Variants in LUZP2 observed in about 807,000 individuals in gnomAD.
LUZP2 encodes leucine zipper protein 2.
A neutral mutation model predicts 51.6 loss-of-function variants in LUZP2; 52 were observed. That is an observed-to-expected ratio of 1.01 (90% confidence interval 0.81 to 1.27). The LOEUF is 1.27. Among genes scored for constraint, LUZP2 ranks in the 50% most tolerant of loss-of-function variants. LUZP2 has a pLI of 0.00. For missense variants in LUZP2, 436 were observed against 395.4 expected, an observed-to-expected ratio of 1.10 and a Z score of -0.87; for synonymous variants, 154 against 137.3, an observed-to-expected ratio of 1.12 and a Z score of -0.85.
chr11:24,751,541 G>T, intron 4 of LUZP2: 1 of 967,588 alleles, frequency 1.0e-6, no homozygotes, highest in South Asian at 4.8e-5. Flanking sequence ...GAAGTAATGG[G>T]AGTGAGGAAG....
intron 1 of LUZP2, among the ~76,000 whole-genome samples, chr11:24,700,256 G>T (rs920811314): frequency 1.3e-5 from 2 of 151,810 alleles, no homozygotes; most frequent in Non-Finnish European, 2.9e-5. Flanking sequence ...TAGAGACAGG[G>T]TTTCACCATG....
chr11:24,908,928 A>T (rs1378569701), intron 6 of LUZP2, among the ~76,000 whole-genome samples: 1 of 151,138 alleles, frequency 6.6e-6, no homozygotes, highest in Non-Finnish European at 1.5e-5. Flanking sequence ...CACCCAGCTA[A>T]TTTTTTGTAT....
intron 10 of LUZP2, among the ~76,000 whole-genome samples, chr11:25,071,442 C>T (rs535997908): frequency 1.9e-3 from 284 of 151,654 alleles, no homozygotes; most frequent in African/African-American, 6.3e-3. Flanking sequence ...CTTTGTTGAT[C>T]GAGTTTAAAT....
intron 1 of LUZP2, among the ~76,000 whole-genome samples, chr11:24,569,940 C>T (rs752922398): frequency 6.6e-6 from 1 of 151,900 alleles, no homozygotes; most frequent in Non-Finnish European, 1.5e-5. Flanking sequence ...TGCTATTGTA[C>T]ACAAATTTTC....
intron 7 of LUZP2, among the ~76,000 whole-genome samples, chr11:24,957,075 T>C (rs1387040675): frequency 6.6e-6 from 1 of 152,152 alleles, no homozygotes; most frequent in Non-Finnish European, 1.5e-5. Flanking sequence ...GTTGTTTTAT[T>C]TGTAGGTATA....
At chr11:24,821,589 A>G (rs1267246805) in intron 5 of LUZP2, among the ~76,000 whole-genome samples, 2 of 152,160 alleles carry the variant, frequency 1.3e-5, no homozygotes, top group African/African-American at 4.8e-5. Context: ...GTTAGTAAAC[A>G]TAACTGAGTA....
At chr11:24,498,243 G>A (rs1311963904) in intron 1 of LUZP2, among the ~76,000 whole-genome samples, 2 of 152,176 alleles carry the variant, frequency 1.3e-5, no homozygotes, top group African/African-American at 2.4e-5. Flanking sequence ...AACCCACACA[G>A]GATGAAGATC....
chr11:24,695,822 A>G (rs1857229243), intron 1 of LUZP2, among the ~76,000 whole-genome samples: 1 of 152,036 alleles, frequency 6.6e-6, no homozygotes, highest in South Asian at 2.1e-4. Context: ...GGTTCAGAGG[A>G]GAGCCAAATT....
intron 3 of LUZP2, among the ~76,000 whole-genome samples, chr11:24,737,021 A>G (rs184523468): frequency 1.2e-4 from 19 of 152,168 alleles, no homozygotes; most frequent in African/African-American, 4.6e-4. Context: ...TCTCAAGGCT[A>G]ATTAAGCTGG....
At chr11:24,749,381 G>A (rs1859495664) in intron 4 of LUZP2, among the ~76,000 whole-genome samples, 1 of 152,186 alleles carries the variant, frequency 6.6e-6, no homozygotes. Flanking sequence ...ACGCCCCTGT[G>A]ATGGCTAATA....
intron 1 of LUZP2, among the ~76,000 whole-genome samples, chr11:24,629,546 T>TA (rs1277393376): frequency 6.6e-5 from 3 of 45,666 alleles, no homozygotes; most frequent in Non-Finnish European, 8.3e-5. Flanking sequence ...ATATATTCCA[T>TA]TGCATATATA....
At chr11:24,716,967 CATT>C (rs909209523) in intron 1 of LUZP2, among the ~76,000 whole-genome samples, 91 of 151,954 alleles carry the variant, frequency 6.0e-4, no homozygotes, top group African/African-American at 1.1e-3. Flanking sequence ...TTCAAAAACT[CATT>C]AATCTATAAA....
At chr11:24,582,233 G>T (rs914457854) in intron 1 of LUZP2, among the ~76,000 whole-genome samples, 1 of 150,626 alleles carries the variant, frequency 6.6e-6, no homozygotes, top group African/African-American at 2.4e-5. Flanking sequence ...TCTTTTCCAG[G>T]TGTGTCTGAG....
At chr11:24,893,432 A>T (rs1210756607) in intron 5 of LUZP2, 2 of 152,130 alleles carry the variant, frequency 1.3e-5, no homozygotes, top group Non-Finnish European at 2.9e-5. Context: ...GCACACATAC[A>T]CACATACATT....
chr11:24,765,365 A>G (rs1860142782), intron 5 of LUZP2, among the ~76,000 whole-genome samples: 2 of 152,196 alleles, frequency 1.3e-5, no homozygotes, highest in Admixed American at 1.3e-4. Flanking sequence ...GAAGTTTGAA[A>G]TCCACTAAGT....
chr11:24,923,800 G>A (rs1003613917), intron 7 of LUZP2, among the ~76,000 whole-genome samples: 5 of 152,134 alleles, frequency 3.3e-5, no homozygotes, highest in African/African-American at 4.8e-5. Flanking sequence ...CCCTGACAAT[G>A]TAAATGAATA....
chr11:25,061,166 G>A lies in LUZP2; in HGVS notation c.858+11036G>A, dbSNP rs16913582. 7.1e-3 allele frequency among the ~76,000 whole-genome samples: 1,081 copies of A among 152,186 alleles called. 35 individuals are homozygous for A. In the East Asian group the frequency reaches 0.1, roughly 14 times the overall value. On this transcript the variant is annotated intron_variant, in intron 10 of 11. Transcript: ENST00000336930. ...AAGCTTATTCTTCCTGCCTTACTGTGGGACTCCCAGTAATGACTAGAGACA... is the reference window on the plus strand; with the variant it reads ...AAGCTTATTCTTCCTGCCTTACTGTAGGACTCCCAGTAATGACTAGAGACA...
chr11:24,826,186 A>T (rs1237827508), intron 5 of LUZP2, among the ~76,000 whole-genome samples: 158 of 24,386 alleles, frequency 6.5e-3, no homozygotes, highest in African/African-American at 0.021. Flanking sequence ...AAAAAAAAAA[A>T]AAAAATATAT....
intron 4 of LUZP2, among the ~76,000 whole-genome samples, chr11:24,740,001 C>T (rs1859075639): frequency 6.6e-6 from 1 of 152,072 alleles, no homozygotes; most frequent in Non-Finnish European, 1.5e-5. Flanking sequence ...CTCCCAACAC[C>T]GGACCTAGCT....
Sources: allele counts gnomAD v4.1 joint callset (sites outside exome capture counted in the v4.1 genomes callset), GRCh38; gene constraint gnomAD v4.1.1; transcripts MANE v1.5; gene names NCBI Gene and HGNC (gene_info 2026-07-23, HGNC 2026-07-21).